AGBL1: variants seen among roughly 807,000 people sequenced by gnomAD.
The protein encoded by AGBL1 is AGBL carboxypeptidase 1.
A neutral mutation model predicts 118.9 loss-of-function variants in AGBL1; 130 were observed. That is an observed-to-expected ratio of 1.09 (90% CI 0.95 to 1.26). The LOEUF (loss-of-function observed/expected upper bound fraction) is 1.26. AGBL1 is among the 50% of genes most tolerant of loss of function. The pLI is 0.00. For synonymous variants in AGBL1, 555 were observed against 478.9 expected (o/e 1.16, Z -2.08); for missense variants, 1,584 against 1,298.1 (o/e 1.22, Z -3.38).
chr15:86,776,421 C>T (rs1022670566), intron 22 of AGBL1, among the ~76,000 whole-genome samples: 1 of 152,006 alleles, frequency 6.6e-6, no homozygotes, highest in Non-Finnish European at 1.5e-5. Context: ...AGCTCAACCC[C>T]TCATATTTTA....
At chr15:86,685,006 GA>G (rs1272064436) in intron 22 of AGBL1, among the ~76,000 whole-genome samples, 6 of 152,184 alleles carry the variant, frequency 3.9e-5, no homozygotes, top group Non-Finnish European at 8.8e-5. Flanking sequence ...ATGGGTAACA[GA>G]AAGGAGTTGT....
chr15:86,341,805 T>C (rs1264658312), intron 17 of AGBL1, among the ~76,000 whole-genome samples: 1 of 152,182 alleles, frequency 6.6e-6, no homozygotes, highest in Non-Finnish European at 1.5e-5. Context: ...CCTTGTTACT[T>C]GTGAGTAGGC....
chr15:86,410,821 TATATATATATATATATATATAA>T (rs1567242734), intron 18 of AGBL1, among the ~76,000 whole-genome samples: 1 of 108,004 alleles, frequency 9.3e-6, no homozygotes, highest in African/African-American at 4.0e-5. Flanking sequence ...TATATATATA[TATATATATATATATATATATAA>T]TATACTATTT....
intron 5 of AGBL1, among the ~76,000 whole-genome samples, chr15:86,174,393 A>C (rs986350679): frequency 2.6e-5 from 4 of 152,138 alleles, no homozygotes; most frequent in Admixed American, 1.3e-4. Flanking sequence ...TTATATAAAA[A>C]GAGAGACAAT....
intron 1 of AGBL1, among the ~76,000 whole-genome samples, chr15:86,140,826 G>A (rs572298917): frequency 1.3e-5 from 2 of 152,278 alleles, no homozygotes; most frequent in East Asian, 3.9e-4. Flanking sequence ...AAACTCCAAG[G>A]GGTTCCGTGT....
At chr15:86,114,417 G>T (rs1254695662) in intron 1 of AGBL1, among the ~76,000 whole-genome samples, 1 of 152,150 alleles carries the variant, frequency 6.6e-6, no homozygotes, top group African/African-American at 2.4e-5. Context: ...GTGCCTGTCT[G>T]CAGAAGACAT....
rs1374120241 is a variant in AGBL1, at chr15:86,262,782, A to C, written c.974A>C (p.Asp325Ala). The change falls in exon 10 of 23, where the codon GAT (aspartate) becomes GCT (alanine). Residue 325 changes from aspartate to alanine, a missense_variant. Transcript: ENST00000614907. ...TCTATGACTATTCCATTTTAGGATG[A>C]TGACTTGGAAACAGACGTGAACAAG... ...SDTEDGKVED[D>A]DLETDVNKLS... 3 of 1,598,928 alleles carry C rather than the reference A, an allele frequency of 1.9e-6. No homozygotes were observed. In the Admixed American group the frequency reaches 5.1e-5, roughly 27 times the overall value.
At chr15:86,107,059 G>T (rs532121563) in intron 1 of AGBL1, among the ~76,000 whole-genome samples, 1 of 152,186 alleles carries the variant, frequency 6.6e-6, no homozygotes, top group Non-Finnish European at 1.5e-5. Flanking sequence ...ACCAATTAAA[G>T]TAGATTAAAA....
intron 22 of AGBL1, among the ~76,000 whole-genome samples, chr15:86,880,334 A>T (rs1437089747): frequency 6.6e-6 from 1 of 152,202 alleles, no homozygotes; most frequent in Non-Finnish European, 1.5e-5. Flanking sequence ...TTCATGTGAA[A>T]TGCTATTCAT....
chr15:86,213,838 G>T (rs1055774157), intron 5 of AGBL1, among the ~76,000 whole-genome samples: 1 of 152,014 alleles, frequency 6.6e-6, no homozygotes, highest in Non-Finnish European at 1.5e-5. Context: ...CAATATTGTA[G>T]AACTATTTCC....
At chr15:86,501,438 A>G (rs995712249) in intron 18 of AGBL1, among the ~76,000 whole-genome samples, 1 of 151,564 alleles carries the variant, frequency 6.6e-6, no homozygotes, top group South Asian at 2.1e-4. Flanking sequence ...GTGATACCCA[A>G]TAGTTTTTAC....
chr15:86,303,799 G>A (rs752360122), intron 17 of AGBL1, among the ~76,000 whole-genome samples: 1 of 152,050 alleles, frequency 6.6e-6, no homozygotes, highest in Non-Finnish European at 1.5e-5. Flanking sequence ...ATAATGATTT[G>A]CATATTTCAA....
intron 23 of AGBL1, among the ~76,000 whole-genome samples, chr15:86,961,248 A>G (rs1366547753): frequency 1.3e-5 from 2 of 152,058 alleles, no homozygotes; most frequent in Non-Finnish European, 2.9e-5. Context: ...ATAAAGCTCA[A>G]AAAAGGGAGT....
intron 22 of AGBL1, among the ~76,000 whole-genome samples, chr15:86,853,759 G>T (rs1308477619): frequency 6.6e-6 from 1 of 152,160 alleles, no homozygotes; most frequent in Non-Finnish European, 1.5e-5. Flanking sequence ...AAGATCGCTT[G>T]TGCCCATTTG....
At chr15:86,509,208 T>C (rs1458488956) in intron 18 of AGBL1, among the ~76,000 whole-genome samples, 3 of 152,086 alleles carry the variant, frequency 2.0e-5, no homozygotes, top group African/African-American at 4.8e-5. Flanking sequence ...TTGCTACAGA[T>C]TGTAGTCAAA....
chr15:86,307,765 A>G (rs1369100865), intron 17 of AGBL1, among the ~76,000 whole-genome samples: 1 of 152,120 alleles, frequency 6.6e-6, no homozygotes, highest in Non-Finnish European at 1.5e-5. Context: ...CTCTAATCAG[A>G]CAAACAGTTT....
chr15:86,940,701 G>C (rs1008002222), intron 23 of AGBL1, among the ~76,000 whole-genome samples: 4 of 152,180 alleles, frequency 2.6e-5, no homozygotes, highest in South Asian at 2.1e-4. Context: ...GGGAGAGATA[G>C]GCAAATTTCC....
intron 18 of AGBL1, among the ~76,000 whole-genome samples, chr15:86,423,001 C>T (rs1389496093): frequency 6.6e-6 from 1 of 152,166 alleles, no homozygotes; most frequent in Non-Finnish European, 1.5e-5. Context: ...CGAATTCTAC[C>T]AGAGACACAA....
chr15:86,966,638 C>T (rs557542791), intron 23 of AGBL1, among the ~76,000 whole-genome samples: 1 of 152,252 alleles, frequency 6.6e-6, no homozygotes, highest in Non-Finnish European at 1.5e-5. Context: ...ATCCATGTCC[C>T]TACCAAGGTC....
Sources: allele counts gnomAD v4.1 joint callset (sites outside exome capture counted in the v4.1 genomes callset), GRCh38; gene constraint gnomAD v4.1.1; transcripts MANE v1.5; gene names NCBI Gene and HGNC (gene_info 2026-07-23, HGNC 2026-07-21).